The following DENND4C variants were observed in gnomAD, a reference collection of about 807,000 sequenced individuals.
DENND4C encodes DENN domain containing 4C.
DENND4C carries 108 observed loss-of-function variants against 203.0 expected under a neutral mutation model. The ratio of observed to expected loss-of-function variants is 0.53; its 90% CI spans 0.46 to 0.62. DENND4C has a LOEUF of 0.62. Ranked by LOEUF, DENND4C falls within the 20% of genes least tolerant of loss-of-function variation. The pLI, the probability that DENND4C is intolerant of heterozygous loss-of-function variation, is 0.00. For synonymous variants in DENND4C, 871 were observed against 792.4 expected (o/e 1.10, Z -1.67); for missense variants, 2,481 against 2,301.2 (o/e 1.08, Z -1.60).
chr9:19,262,296 C>T (rs1829574566), intron 1 of DENND4C, among the ~76,000 whole-genome samples: 1 of 151,754 alleles, frequency 6.6e-6, no homozygotes, highest in Non-Finnish European at 1.5e-5. Flanking sequence ...CCATGTTGGC[C>T]AGGCTGGTCT....
rs1009577341 is a variant in DENND4C at position 19,290,798 on chromosome 9, T to G, written c.723T>G (p.Ile241Met). 7.4e-6 allele frequency: 12 copies of G among 1,612,678 alleles called. No individual in the cohort carries two copies. Among genetic ancestry groups the G allele is most frequent in the Non-Finnish European group, 1.0e-5 (12 of 1,179,230 alleles). ...PLFCLPMGAT[I>M]ECWDPETKYP... ...TCTGCCTTCCTATGGGAGCTACTAT[T>G]GAGTGCTGGGATCCTGAAACCAAAT... The change falls in exon 5 of 33, where the codon ATT (isoleucine) becomes ATG (methionine). Residue 241 changes from isoleucine (I) to methionine (M), a missense_variant. Physicochemically the swap from Ile to Met is conservative, Grantham distance 10. Transcript: ENST00000434457.
At chr9:19,232,981 G>A (rs964611082) in intron 1 of DENND4C, among the ~76,000 whole-genome samples, 2 of 151,350 alleles carry the variant, frequency 1.3e-5, no homozygotes, top group Non-Finnish European at 2.9e-5. Flanking sequence ...TTGCTGCTCA[G>A]TTTGAAAGCT....
chr9:19,260,585 A>G (rs1829112276), intron 1 of DENND4C, among the ~76,000 whole-genome samples: 1 of 151,922 alleles, frequency 6.6e-6, no homozygotes, highest in Non-Finnish European at 1.5e-5. Context: ...TTTAGTAGAG[A>G]CGGGGTTTCA....
At chr9:19,310,197 C>G (rs916410190) in intron 10 of DENND4C, among the ~76,000 whole-genome samples, 4 of 152,148 alleles carry the variant, frequency 2.6e-5, no homozygotes, top group Non-Finnish European at 4.4e-5. Context: ...CTATAAACAT[C>G]ACATTTCTCT....
chr9:19,290,293 T>C (rs912112461), intron 4 of DENND4C, among the ~76,000 whole-genome samples: 2 of 152,232 alleles, frequency 1.3e-5, no homozygotes, highest in Non-Finnish European at 2.9e-5. Flanking sequence ...GCTGTGATAA[T>C]TTCTGTTGCC....
chr9:19,238,289 T>A (rs1160337730), intron 1 of DENND4C, among the ~76,000 whole-genome samples: 4 of 151,474 alleles, frequency 2.6e-5, no homozygotes, highest in Non-Finnish European at 5.9e-5. Flanking sequence ...TCCATGTTGG[T>A]CAGGCTGGTC....
intron 18 of DENND4C, 80 bp from the exon 19 acceptor site, chr9:19,336,190 T>TAA: frequency 8.3e-7 from 1 of 1,204,622 alleles, no homozygotes; most frequent in Non-Finnish European, 1.1e-6. Context: ...TATATAAACA[T>TAA]ACACACACAC....
intron 1 of DENND4C, among the ~76,000 whole-genome samples, chr9:19,241,851 TA>T (rs923122319): frequency 4.0e-4 from 58 of 145,746 alleles, no homozygotes; most frequent in South Asian, 6.7e-4. Flanking sequence ...GACCTCATCT[TA>T]AAAAAAAAAA....
chr9:19,262,262 T>G (rs183357140), intron 1 of DENND4C, among the ~76,000 whole-genome samples: 1 of 151,628 alleles, frequency 6.6e-6, no homozygotes, highest in East Asian at 1.9e-4. Context: ...AATTTTTGTA[T>G]TTTTAGTAGA....
At chr9:19,328,208 A>G in intron 16 of DENND4C, 46 bp downstream of exon 16, 1 of 1,550,074 alleles carries the variant, frequency 6.5e-7, no homozygotes, top group Non-Finnish European at 8.8e-7. Context: ...GATGTAAAAT[A>G]TGTATATGTG....
At chr9:19,274,712 A>G (rs1428389495) in intron 1 of DENND4C, among the ~76,000 whole-genome samples, 1 of 152,190 alleles carries the variant, frequency 6.6e-6, no homozygotes, top group East Asian at 1.9e-4. Context: ...CTTATTTTAC[A>G]TGGTATTTAT....
Position 19,262,448 on chromosome 9 carries a change from C to CT in DENND4C, c.-17-13697dup, listed in dbSNP as rs59268086. On this transcript the variant is annotated intron_variant, in intron 1 of 32. Transcript: ENST00000434457. ...TTACATTTTTCCAAATATATCATAT[C>CT]TTTTTTTTTTTTTGAGACAGTCACC... 2.8e-3 allele frequency among the ~76,000 whole-genome samples: 374 copies of CT among 134,118 alleles called. 1 individual carries two copies. The highest frequency in any genetic ancestry group is 3.6e-3 in the Non-Finnish European group (227 of 62,490). 88.0% of individuals were successfully genotyped at this position (134,118 alleles called of 152,430 possible).
intron 1 of DENND4C, among the ~76,000 whole-genome samples, chr9:19,256,132 A>G (rs989177557): frequency 9.2e-5 from 14 of 152,054 alleles, no homozygotes; most frequent in African/African-American, 3.4e-4. Flanking sequence ...ACAAGTCTTG[A>G]TAACTATGAA....
At chr9:19,275,457 C>T (rs1469682481) in intron 1 of DENND4C, among the ~76,000 whole-genome samples, 1 of 151,566 alleles carries the variant, frequency 6.6e-6, no homozygotes, top group Non-Finnish European at 1.5e-5. Context: ...CCACGCCTGG[C>T]TAATGTTTAT....
At position 19,343,604 on chromosome 9, in the gene DENND4C, T is replaced by G. The variant is rs977180884; in HGVS notation, c.3151+825T>G. Among the ~76,000 whole-genome samples the G allele has an allele frequency of 4.6e-5, 7 of 152,238 alleles. 1 individual carries two copies. Among genetic ancestry groups the G allele is most frequent in the Admixed American group, 2.6e-4 (4 of 15,288 alleles). ...GTGACTCCGAGTTTCACTCATTACT[T>G]GTTTGGGTAGTGCTCAAGAGGTGGG... On this transcript the variant is annotated intron_variant, in intron 22 of 32. Coordinates refer to ENST00000434457, the MANE Select transcript of DENND4C (RefSeq NM_001330640.2).
In DENND4C at chr9:19,336,795, A is replaced by C; in HGVS notation, c.2844A>C (p.Leu948Phe). 6.4e-7 allele frequency: 1 copy of C among 1,550,756 alleles called. No homozygotes were observed. The highest frequency in any genetic ancestry group is 8.7e-7 in the Non-Finnish European group (1 of 1,146,996). The part of the protein sequence containing the change: ...NGEHTVFVRD[L>F]IRLESIDNHS... ...AGCACACAGTCTTCGTCAGAGATTTAATCAGGCTTGAGTCCATTGATAATC... is the reference window on the plus strand; with the variant it reads ...AGCACACAGTCTTCGTCAGAGATTTCATCAGGCTTGAGTCCATTGATAATC... Residue 948 changes from leucine to phenylalanine, a missense_variant, in exon 20 of 33, where the codon TTA (leucine) becomes TTC (phenylalanine). Coordinates refer to ENST00000434457, the MANE Select transcript of DENND4C (RefSeq NM_001330640.2).
In DENND4C at chr9:19,276,237, A is replaced by G. The variant is rs1832883635; in HGVS notation, c.63A>G (p.Thr21=). 1 of 1,232,102 alleles carries G rather than the reference A, an allele frequency of 8.1e-7. No individual in the cohort carries two copies. The highest frequency in any genetic ancestry group is 4.2e-5 in the Admixed American group (1 of 23,718). The allele number at this position is 1,232,102 out of a possible 1,614,324, so 76.3% of individuals were successfully genotyped here. The change falls in exon 2 of 33, where the codon ACA becomes ACG. Residue 21 remains threonine, a synonymous_variant. Transcript: ENST00000434457. ...TTGTCGTAGCTGGTCTCACTGACAC[A>G]TCTACTCTTTTGGATCAAGAAATAA... The part of the protein sequence containing the change: ...DYFVVAGLTD[T]STLLDQEINR...
Position 19,270,575 on chromosome 9 carries a change from A to G in DENND4C, c.-17-5583A>G, listed in dbSNP as rs1158811774. ...ATACTCCATTGTAGGTTTATATCAC[A>G]TTTTTAAAAATCCATTCATCTCTTG... On this transcript the variant is annotated intron_variant, in intron 1 of 32. Coordinates refer to ENST00000434457, the MANE Select transcript of DENND4C (RefSeq NM_001330640.2). Among the ~76,000 whole-genome samples the G allele has an allele frequency of 3.3e-5, 5 of 152,350 alleles. No individual in the cohort carries two copies. In the South Asian group the frequency reaches 6.2e-4, roughly 19 times the overall value.
chr9:19,230,931 C>T (rs1183904954), intron 1 of DENND4C, 98 bp downstream of exon 1: 8 of 152,306 alleles, frequency 5.3e-5, no homozygotes, highest in African/African-American at 1.9e-4. Context: ...CAGGTAGAGC[C>T]CGGAGGGCTG....
Sources: gnomAD v4.1 joint callset for allele counts (sites outside exome capture counted in the v4.1 genomes callset) on GRCh38, gnomAD v4.1.1 for gene constraint, MANE v1.5 for transcripts, NCBI Gene and HGNC (gene_info 2026-07-23, HGNC 2026-07-21) for gene names.